The following RBBP4 variants were observed in gnomAD, a reference collection of about 807,000 sequenced individuals.
RBBP4 encodes histone-binding protein RBBP4.
In RBBP4, 3 loss-of-function variants were observed where a neutral mutation model predicts 57.2. That is an observed-to-expected ratio of 0.05 (90% CI 0.02 to 0.14). The LOEUF (loss-of-function observed/expected upper bound fraction) is 0.14, where lower values mean the gene tolerates loss of function less well. Among genes scored for constraint, RBBP4 ranks in the 10% least tolerant of loss-of-function variants. RBBP4 has a pLI of 1.00. For missense variants in RBBP4, 107 were observed against 520.6 expected, an observed-to-expected ratio of 0.21 and a Z score of 7.73; for synonymous variants, 151 against 171.5, an observed-to-expected ratio of 0.88 and a Z score of 0.93.
At chr1:32,678,538 T>C (rs1649220821) in intron 11 of RBBP4, among the ~76,000 whole-genome samples, 4 of 141,118 alleles carry the variant, frequency 2.8e-5, no homozygotes, top group Non-Finnish European at 6.1e-5. Flanking sequence ...GGACACCTTA[T>C]ATAAATAAAA....
chr1:32,659,197 T>C (rs1027154757), intron 3 of RBBP4, among the ~76,000 whole-genome samples: 4 of 150,164 alleles, frequency 2.7e-5, no homozygotes, highest in Non-Finnish European at 5.9e-5. Context: ...TACACACACA[T>C]ATATGTGGTT....
At position 32,669,478 on chromosome 1, in the gene RBBP4, G is replaced by A. The variant is rs149805684; in HGVS notation, c.889-8G>A. 23 of 1,589,756 alleles carry A rather than the reference G, an allele frequency of 1.4e-5. No homozygotes were observed. In the East Asian group the frequency reaches 2.2e-4, roughly 16 times the overall value. On this transcript the variant is annotated splice_region_variant and splice_polypyrimidine_tract_variant and intron_variant, in intron 7 of 11. Coordinates refer to ENST00000373493, the MANE Select transcript of RBBP4 (RefSeq NM_005610.3). The surrounding 1 kb of genome is among the most constrained non-coding windows in gnomAD (Gnocchi z 4.9). Reference sequence around the variant, plus strand: ...ATTGATTACTCTTGCTTTTCTTTTTGTACATAGACTGTTGCCTTGTGGGAT... The same window carrying A: ...ATTGATTACTCTTGCTTTTCTTTTTATACATAGACTGTTGCCTTGTGGGAT...
Position 32,681,739 on chromosome 1 carries a change from C to G in RBBP4, c.*2034C>G, listed in dbSNP as rs780732372. 3 of 1,580,494 alleles carry G rather than the reference C, an allele frequency of 1.9e-6. No homozygotes were observed. Among genetic ancestry groups the G allele is most frequent in the Non-Finnish European group, 2.6e-6 (3 of 1,152,312 alleles). On this transcript the variant is annotated 3_prime_UTR_variant, in exon 12 of 12. Coordinates refer to ENST00000373493, the MANE Select transcript of RBBP4 (RefSeq NM_005610.3). ...AACTTCCACAGGATGAATTGCTTGC[C>G]AAGTTTCTGGCACTCTTGTCTGGTT...
intron 11 of RBBP4, among the ~76,000 whole-genome samples, chr1:32,674,102 A>G (rs2148530395): frequency 6.6e-6 from 1 of 152,336 alleles, no homozygotes; most frequent in South Asian, 2.1e-4. Flanking sequence ...CTCCGTCTCA[A>G]TTAAAATATA....
At chr1:32,670,366 T>C (rs921391090) in intron 8 of RBBP4, among the ~76,000 whole-genome samples, 1 of 152,152 alleles carries the variant, frequency 6.6e-6, no homozygotes, top group East Asian at 1.9e-4. Context: ...CTCATCAGTT[T>C]AAACCCATTT....
intron 3 of RBBP4, among the ~76,000 whole-genome samples, chr1:32,667,483 C>T (rs1648704874): frequency 1.3e-5 from 2 of 152,072 alleles, no homozygotes; most frequent in Admixed American, 1.3e-4. Context: ...TAAATATCAG[C>T]GCACCCAGCC....
At position 32,684,652 on chromosome 1, in the gene RBBP4, T is replaced by C. The variant is rs1473750111; in HGVS notation, c.*4947T>C. ...AATCCTGGGAGGGTGATTGGGACTT[T>C]TTAGTATTACAACCTTAGTGTCATT... On this transcript the variant is annotated 3_prime_UTR_variant, in exon 12 of 12. Coordinates refer to ENST00000373493, the MANE Select transcript of RBBP4 (RefSeq NM_005610.3). 7 of 414,746 alleles carry C rather than the reference T, an allele frequency of 1.7e-5. No individual in the cohort carries two copies. Among genetic ancestry groups the C allele is most frequent in the South Asian group, 1.0e-4 (4 of 38,982 alleles). The allele number at this position is 414,746 out of a possible 1,614,324, so 25.7% of individuals were successfully genotyped here.
intron 11 of RBBP4, chr1:32,673,357 C>T (rs946333672): frequency 1.4e-5 from 5 of 361,472 alleles, no homozygotes; most frequent in African/African-American, 1.1e-4. Flanking sequence ...TCAAATACTA[C>T]TATTTCTCCA....
chr1:32,663,925 A>T (rs1648533132), intron 3 of RBBP4, among the ~76,000 whole-genome samples: 2 of 144,532 alleles, frequency 1.4e-5, no homozygotes, highest in African/African-American at 5.2e-5. Context: ...TAACCTGTCA[A>T]TTTTTTTTTT....
chr1:32,658,983 G>A (rs12034238), intron 3 of RBBP4, among the ~76,000 whole-genome samples: 16,401 of 147,214 alleles, frequency 0.11, 1,689 homozygotes, highest in African/African-American at 0.26. Flanking sequence ...AACTACATGC[G>A]TGTATATATT....
intron 3 of RBBP4, among the ~76,000 whole-genome samples, chr1:32,659,538 CA>C (rs11414138): frequency 1.7e-4 from 25 of 146,266 alleles, no homozygotes; most frequent in African/African-American, 1.7e-4. Flanking sequence ...CCAGCCTGGG[CA>C]AAAAAAAAAA....
rs747252061 is a variant in RBBP4, at chr1:32,669,184, T to TA, written c.762-46dup. ...AAATATCTTGTCTAAGTTTTATGTT[T>TA]AGTCACCATTTCAAGGTTTTTTTCC... On this transcript the variant is annotated intron_variant, in intron 6 of 11. Transcript: ENST00000373493. This position sits in a 1 kb window ranked among gnomAD's most constrained non-coding sequence, Gnocchi z 4.9. 1.6e-5 allele frequency: 26 copies of TA among 1,611,330 alleles called. No individual in the cohort carries two copies. The South Asian group carries it at 2.9e-4, about 18-fold the overall frequency.
Position 32,681,977 on chromosome 1 carries a change from C to T in RBBP4, c.*2272C>T. On this transcript the variant is annotated 3_prime_UTR_variant, in exon 12 of 12. Transcript: ENST00000373493. ...TATGGATGATCAGGGATGACTTTCC[C>T]CTAGCAAATATTTGGATGCCTCCTG... The T allele has an allele frequency of 3.3e-6, 3 of 900,532 alleles. No individual in the cohort carries two copies. The highest frequency in any genetic ancestry group is 4.2e-5 in the Admixed American group (2 of 47,318). 55.8% of individuals were successfully genotyped at this position (900,532 alleles called of 1,614,324 possible).
intron 8 of RBBP4, among the ~76,000 whole-genome samples, chr1:32,670,232 T>C (rs1446150413): frequency 2.0e-5 from 3 of 152,250 alleles, no homozygotes; most frequent in African/African-American, 7.2e-5. Context: ...GATTATTTTT[T>C]CAGCCTTGTT....
Position 32,679,739 on chromosome 1 carries a change from C to A in RBBP4, c.*34C>A, listed in dbSNP as rs779598210. On this transcript the variant is annotated 3_prime_UTR_variant, in exon 12 of 12. Transcript: ENST00000373493. ...TTACTTGTTGTGATTTTAGACTCCCCTTTTTTCTTCTCAACCCTGAGAGTG... is the reference window on the plus strand; with the variant it reads ...TTACTTGTTGTGATTTTAGACTCCCATTTTTTCTTCTCAACCCTGAGAGTG... 4.5e-5 allele frequency: 73 copies of A among 1,611,224 alleles called. No individual in the cohort carries two copies. The highest frequency in any genetic ancestry group is 5.9e-5 in the Non-Finnish European group (70 of 1,178,934).
At chr1:32,666,021 C>T (rs1237915217) in intron 3 of RBBP4, among the ~76,000 whole-genome samples, 1 of 152,142 alleles carries the variant, frequency 6.6e-6, no homozygotes, top group Non-Finnish European at 1.5e-5. Context: ...TCTAAGTGCA[C>T]ATAGTAGTCA....
chr1:32,670,316 T>G (rs1240272080), intron 8 of RBBP4, among the ~76,000 whole-genome samples: 4 of 152,254 alleles, frequency 2.6e-5, no homozygotes, highest in African/African-American at 9.6e-5. Flanking sequence ...TGTGTTGATT[T>G]CTCAACCCAA....
intron 2 of RBBP4, among the ~76,000 whole-genome samples, chr1:32,652,936 A>G (rs556858163): frequency 2.6e-5 from 4 of 152,342 alleles, no homozygotes; most frequent in East Asian, 1.9e-4. Context: ...ATATAAACTA[A>G]TAATTATAGT....
intron 2 of RBBP4, 72 bp downstream of exon 2, chr1:32,652,133 C>T: frequency 1.3e-6 from 2 of 1,507,658 alleles, no homozygotes; most frequent in Non-Finnish European, 1.8e-6. Context: ...TTTCTTTTTT[C>T]CGCTCTTCAG....
Sources: allele counts gnomAD v4.1 joint callset (sites outside exome capture counted in the v4.1 genomes callset), GRCh38; gene constraint gnomAD v4.1.1; non-coding constraint Gnocchi (gnomAD v3.1); transcripts MANE v1.5; gene names NCBI Gene and HGNC (gene_info 2026-07-23, HGNC 2026-07-21).